Variants in EMCN observed in about 807,000 individuals in gnomAD.
EMCN encodes endomucin.
In EMCN, 37 loss-of-function variants were observed where a neutral mutation model predicts 38.4. The observed-to-expected ratio is 0.96, with a 90% confidence interval of 0.74 to 1.27. EMCN has a LOEUF of 1.27. Ranked by LOEUF, EMCN falls within the 50% of genes most tolerant of loss-of-function variation. EMCN has a pLI of 0.00. For synonymous variants in EMCN, 95 were observed against 100.8 expected (o/e 0.94, Z 0.35); for missense variants, 318 against 302.8 (o/e 1.05, Z -0.37).
intron 1 of EMCN, among the ~76,000 whole-genome samples, chr4:100,492,958 C>A (rs1467227375): frequency 1.3e-5 from 2 of 152,076 alleles, no homozygotes; most frequent in African/African-American, 4.8e-5. Flanking sequence ...TCATAGAAAT[C>A]TACCTTATAG....
chr4:100,398,672 T>C (rs571460983), intron 11 of EMCN, among the ~76,000 whole-genome samples: 1 of 152,260 alleles, frequency 6.6e-6, no homozygotes, highest in South Asian at 2.1e-4. Context: ...GTATTGTCTA[T>C]AGTCCTATTC....
chr4:100,467,214 A>G lies in EMCN; in HGVS notation c.260-1675T>C, dbSNP rs574468272. Among the ~76,000 whole-genome samples, 6 of 152,330 alleles carry G rather than the reference A, an allele frequency of 3.9e-5. No homozygotes were observed. The South Asian group carries it at 1.2e-3, about 32-fold the overall frequency. Reference sequence around the variant, plus strand: ...AAGTAGGCCTTGGAGCAAATCTTGAATGTTTAAGATAAATCAAAATGTTTT... The same window carrying G: ...AAGTAGGCCTTGGAGCAAATCTTGAGTGTTTAAGATAAATCAAAATGTTTT... On this transcript the variant is annotated intron_variant, in intron 3 of 11. Coordinates refer to ENST00000296420, the MANE Select transcript of EMCN (RefSeq NM_016242.4).
At chr4:100,410,493 C>T (rs902226002) in intron 10 of EMCN, 138 bp from the exon 11 acceptor site, 1 of 770,938 alleles carries the variant, frequency 1.3e-6, no homozygotes, top group Non-Finnish European at 2.1e-6. Flanking sequence ...CCATTTGCCT[C>T]TTGGTATTGT....
At chr4:100,411,977 AC>A (rs1425973898) in intron 10 of EMCN, among the ~76,000 whole-genome samples, 1 of 152,080 alleles carries the variant, frequency 6.6e-6, no homozygotes, top group Non-Finnish European at 1.5e-5. Flanking sequence ...ATGAACTTTT[AC>A]TTGTAAAAAT....
intron 1 of EMCN, among the ~76,000 whole-genome samples, chr4:100,508,064 T>A (rs1336162533): frequency 6.6e-6 from 1 of 152,204 alleles, no homozygotes; most frequent in Non-Finnish European, 1.5e-5. Flanking sequence ...TGAAGCAAGA[T>A]AACTTCAGGC....
intron 4 of EMCN, among the ~76,000 whole-genome samples, chr4:100,448,536 G>A (rs1365802757): frequency 1.3e-5 from 2 of 152,056 alleles, no homozygotes; most frequent in Non-Finnish European, 2.9e-5. Context: ...ACCCTTATCA[G>A]CTCTAGTTTC....
intron 4 of EMCN, among the ~76,000 whole-genome samples, chr4:100,454,958 C>T (rs1277067085): frequency 1.3e-5 from 2 of 152,056 alleles, no homozygotes; most frequent in Non-Finnish European, 2.9e-5. Context: ...GAATACTGCA[C>T]ATATTTGGGA....
At chr4:100,511,836 T>TAAAAA in intron 1 of EMCN, among the ~76,000 whole-genome samples, 1 of 147,022 alleles carries the variant, frequency 6.8e-6, no homozygotes, top group African/African-American at 2.5e-5. Flanking sequence ...AGACAGTTTA[T>TAAAAA]AAAAAAAAAA....
intron 1 of EMCN, among the ~76,000 whole-genome samples, chr4:100,506,940 A>T (rs1427235819): frequency 1.3e-5 from 2 of 152,182 alleles, no homozygotes; most frequent in African/African-American, 4.8e-5. Context: ...ATGCTCACAA[A>T]TGCTAGTAAT....
rs1295109645 is a variant in EMCN, at chr4:100,465,551, A to G, written c.260-12T>C. On this transcript the variant is annotated splice_polypyrimidine_tract_variant and intron_variant, in intron 3 of 11. Transcript: ENST00000296420. ...TGTGGCTTTCAATCCTATAAAAAGAATGAACAGTCATCAGGAGTATAACAA... is the reference window on the plus strand; with the variant it reads ...TGTGGCTTTCAATCCTATAAAAAGAGTGAACAGTCATCAGGAGTATAACAA... 7 of 1,471,008 alleles carry G rather than the reference A, an allele frequency of 4.8e-6. No individual in the cohort carries two copies. The highest frequency in any genetic ancestry group is 6.6e-6 in the Non-Finnish European group (7 of 1,058,678). The allele number at this position is 1,471,008 out of a possible 1,614,324, so 91.1% of individuals were successfully genotyped here. A position where few individuals can be genotyped will look rare whatever the true frequency, so the allele number is the denominator to read the frequency against.
intron 10 of EMCN, among the ~76,000 whole-genome samples, chr4:100,410,607 G>A (rs1199062598): frequency 1.3e-5 from 2 of 152,132 alleles, no homozygotes; most frequent in South Asian, 4.1e-4. Flanking sequence ...AGGGGGCAGT[G>A]GGGGCGGGGA....
intron 4 of EMCN, among the ~76,000 whole-genome samples, chr4:100,462,088 T>C (rs1578209700): frequency 6.6e-6 from 1 of 152,254 alleles, no homozygotes. Context: ...AATAAGCACC[T>C]TGAGAAAAGA....
At chr4:100,455,880 G>A (rs1377716629) in intron 4 of EMCN, among the ~76,000 whole-genome samples, 1 of 151,582 alleles carries the variant, frequency 6.6e-6, no homozygotes, top group Non-Finnish European at 1.5e-5. Context: ...CTGAATTCTC[G>A]ATCTCCCTGG....
intron 10 of EMCN, among the ~76,000 whole-genome samples, chr4:100,413,569 T>A (rs752768776): frequency 1.3e-5 from 2 of 152,200 alleles, no homozygotes; most frequent in Non-Finnish European, 2.9e-5. Context: ...GTTCTGTTAA[T>A]GATAGACTTG....
chr4:100,480,337 C>T (rs577728828), intron 1 of EMCN, among the ~76,000 whole-genome samples: 19 of 151,882 alleles, frequency 1.3e-4, no homozygotes, highest in Non-Finnish European at 2.8e-4. Context: ...TTTAATCCAA[C>T]GAAACTAACC....
rs188039851 is a variant in EMCN at position 100,409,914 on chromosome 4, G to A, written c.*39+368C>T. On this transcript the variant is annotated intron_variant, in intron 11 of 11. Coordinates refer to ENST00000296420, the MANE Select transcript of EMCN (RefSeq NM_016242.4). ...AATAAACTGCAAATTTGCAAGCACC[G>A]TCACTTGGATTCTGCCAGTCTTTGT... Among the ~76,000 whole-genome samples, 476 of 152,270 alleles carry A rather than the reference G, an allele frequency of 3.1e-3. 2 individuals are homozygous for A. The highest frequency in any genetic ancestry group is 0.01 in the Middle Eastern group (3 of 292).
At chr4:100,511,785 G>A (rs996418605) in intron 1 of EMCN, among the ~76,000 whole-genome samples, 2 of 151,792 alleles carry the variant, frequency 1.3e-5, no homozygotes, top group Admixed American at 6.6e-5. Context: ...TAAATCCTGG[G>A]TTTTCCTAAA....
At position 100,470,481 on chromosome 4, in the gene EMCN, C is replaced by A. The variant is rs571655241; in HGVS notation, c.259+4557G>T. On this transcript the variant is annotated intron_variant, in intron 3 of 11. Transcript: ENST00000296420. ...TCAAACATTGTGGAAGACAGTATGG[C>A]AATTTCTTTAAGACCTAAAAACAGA... Among the ~76,000 whole-genome samples, 8 of 151,674 alleles carry A rather than the reference C, an allele frequency of 5.3e-5. No homozygotes were observed. In the East Asian group the frequency reaches 1.5e-3, roughly 29 times the overall value.
chr4:100,504,677 G>A lies in EMCN; in HGVS notation c.64+13174C>T, dbSNP rs567457558. The stretch of plus-strand genomic sequence containing the variant: ...CCACCGGAGGGCTCCTTGGTCTAGC[G>A]GTGACGCCAGCGTCTGGGAAGACGC... On this transcript the variant is annotated intron_variant, in intron 1 of 11. Coordinates refer to ENST00000296420, the MANE Select transcript of EMCN (RefSeq NM_016242.4). Among the ~76,000 whole-genome samples the A allele has an allele frequency of 5.9e-5, 9 of 152,342 alleles. 1 individual carries two copies. The South Asian group carries it at 6.2e-4, about 11-fold the overall frequency.
Sources: gnomAD v4.1 joint callset for allele counts (sites outside exome capture counted in the v4.1 genomes callset) on GRCh38, gnomAD v4.1.1 for gene constraint, MANE v1.5 for transcripts, NCBI Gene and HGNC (gene_info 2026-07-23, HGNC 2026-07-21) for gene names.